TGFBR3: variants seen among roughly 807,000 people sequenced by gnomAD.
The protein encoded by TGFBR3 is transforming growth factor beta receptor 3.
In TGFBR3, 46 loss-of-function variants were observed where a neutral mutation model predicts 87.9. That is an observed-to-expected ratio of 0.52 (90% CI 0.41 to 0.67). The LOEUF is 0.67. Among genes scored for constraint, TGFBR3 ranks in the 30% least tolerant of loss-of-function variants. The pLI is 0.00. For synonymous variants in TGFBR3, 381 were observed against 391.6 expected (o/e 0.97, Z 0.32); for missense variants, 866 against 1,041.9 (o/e 0.83, Z 2.32).
intron 7 of TGFBR3, among the ~76,000 whole-genome samples, chr1:91,723,542 T>TA (rs1672446825): frequency 7.0e-6 from 1 of 143,658 alleles, no homozygotes; most frequent in Non-Finnish European, 1.5e-5. Flanking sequence ...ATTACAAAAT[T>TA]AAAATGACAG....
In TGFBR3 at chr1:91,681,410, TA is replaced by T; in HGVS notation, c.*2328del. The T allele has an allele frequency of 2.6e-6, 1 of 385,296 alleles. No individual in the cohort carries two copies. The highest frequency in any genetic ancestry group is 5.0e-6 in the Non-Finnish European group (1 of 201,094). The allele number at this position is 385,296 out of a possible 1,614,324, so 23.9% of individuals were successfully genotyped here. A position where few individuals can be genotyped will look rare whatever the true frequency, so the allele number is the denominator to read the frequency against. On this transcript the variant is annotated 3_prime_UTR_variant, in exon 17 of 17. Coordinates refer to ENST00000212355, the MANE Select transcript of TGFBR3 (RefSeq NM_003243.5). The stretch of plus-strand genomic sequence containing the variant: ...TGATTTTTTTCCTCTCTCTCTCTTT[TA>T]AAAAGATCTTTTGGTTTGCATCTAT...
At chr1:91,815,239 T>C (rs112954946) in intron 2 of TGFBR3, among the ~76,000 whole-genome samples, 33,127 of 146,726 alleles carry the variant, frequency 0.23, 3,747 homozygotes, top group East Asian at 0.42. Context: ...GAGGCGGAGG[T>C]TGCAGTGAGC....
At chr1:91,747,433 C>T (rs553476676) in intron 4 of TGFBR3, among the ~76,000 whole-genome samples, 1 of 152,312 alleles carries the variant, frequency 6.6e-6, no homozygotes, top group South Asian at 2.1e-4. Context: ...CTCTCTGTCC[C>T]CTCTTCCCCA....
chr1:91,725,269 T>C (rs1672510640), intron 7 of TGFBR3, among the ~76,000 whole-genome samples: 2 of 152,172 alleles, frequency 1.3e-5, no homozygotes, highest in South Asian at 2.1e-4. Context: ...CCATATTTAA[T>C]GGTGCTCTTC....
chr1:91,740,396 G>A (rs1425833392), intron 4 of TGFBR3, among the ~76,000 whole-genome samples: 1 of 145,628 alleles, frequency 6.9e-6, no homozygotes, highest in East Asian at 2.1e-4. Flanking sequence ...ATGGAGTCTC[G>A]CTCTGTCGCC....
At chr1:91,703,700 G>A (rs1161861338) in intron 14 of TGFBR3, among the ~76,000 whole-genome samples, 1 of 152,138 alleles carries the variant, frequency 6.6e-6, no homozygotes, top group East Asian at 1.9e-4. Context: ...GTAAAAAGCG[G>A]TCACAGAATC....
chr1:91,768,578 T>C (rs1455972677), intron 3 of TGFBR3, among the ~76,000 whole-genome samples: 1 of 152,098 alleles, frequency 6.6e-6, no homozygotes. Flanking sequence ...TTTAGCACCA[T>C]CCCCCTAGTG....
At chr1:91,705,176 A>G (rs558391365) in intron 14 of TGFBR3, among the ~76,000 whole-genome samples, 15 of 151,754 alleles carry the variant, frequency 9.9e-5, no homozygotes, top group African/African-American at 3.4e-4. Context: ...GTGACCTGTT[A>G]TTATTCAAAT....
chr1:91,754,810 C>T (rs1271035268), intron 4 of TGFBR3, among the ~76,000 whole-genome samples: 1 of 152,094 alleles, frequency 6.6e-6, no homozygotes, highest in Non-Finnish European at 1.5e-5. Flanking sequence ...CATAACAACA[C>T]AGACATGTCC....
chr1:91,698,971 TCCACATTTGCC>T (rs992737939), intron 14 of TGFBR3, among the ~76,000 whole-genome samples: 4 of 149,908 alleles, frequency 2.7e-5, no homozygotes, highest in Non-Finnish European at 5.9e-5. Flanking sequence ...TATTTCCTCC[TCCACATTTGCC>T]CCCAGAGTGA....
At chr1:91,791,019 T>A (rs1369896475) in intron 3 of TGFBR3, among the ~76,000 whole-genome samples, 1 of 152,176 alleles carries the variant, frequency 6.6e-6, no homozygotes, top group East Asian at 1.9e-4. Context: ...GATAGGTAGG[T>A]AGGTAGATAA....
At chr1:91,750,049 A>G (rs1383288579) in intron 4 of TGFBR3, among the ~76,000 whole-genome samples, 1 of 152,186 alleles carries the variant, frequency 6.6e-6, no homozygotes, top group Non-Finnish European at 1.5e-5. Context: ...TCCTCAGTGA[A>G]AGTGAGTTTA....
chr1:91,729,274 G>A (rs1201182448), intron 6 of TGFBR3, among the ~76,000 whole-genome samples: 3 of 82,630 alleles, frequency 3.6e-5, no homozygotes, highest in Non-Finnish European at 5.0e-5. Flanking sequence ...CACCACACAC[G>A]TGCATGCGCA....
At chr1:91,784,388 AT>A (rs1301716700) in intron 3 of TGFBR3, among the ~76,000 whole-genome samples, 1 of 152,170 alleles carries the variant, frequency 6.6e-6, no homozygotes, top group Non-Finnish European at 1.5e-5. Flanking sequence ...CAATAACCCA[AT>A]TTGCATAATG....
At chr1:91,734,697 G>T (rs1379626764) in intron 5 of TGFBR3, 79 bp downstream of exon 5, 17 of 1,545,428 alleles carry the variant, frequency 1.1e-5, no homozygotes, top group Non-Finnish European at 1.5e-5. Context: ...GTGATTCCTT[G>T]CCCTAACCAC....
Position 91,681,916 on chromosome 1 carries a change from G to A in TGFBR3, c.*1823C>T. 4.5e-6 allele frequency: 2 copies of A among 448,160 alleles called. No homozygotes were observed. Among genetic ancestry groups the A allele is most frequent in the Non-Finnish European group, 8.9e-6 (2 of 225,346 alleles). 27.8% of individuals were successfully genotyped at this position (448,160 alleles called of 1,614,324 possible). A position where few individuals can be genotyped will look rare whatever the true frequency, so the allele number is the denominator to read the frequency against. On this transcript the variant is annotated 3_prime_UTR_variant, in exon 17 of 17. Coordinates refer to ENST00000212355, the MANE Select transcript of TGFBR3 (RefSeq NM_003243.5). ...CCCTTCTGTTAAAAAAAAATTAAAG[G>A]AAAAAAATTCTCTAAACTCATGTCT...
At chr1:91,849,655 A>C (rs1430292079) in intron 2 of TGFBR3, among the ~76,000 whole-genome samples, 1 of 152,206 alleles carries the variant, frequency 6.6e-6, no homozygotes, top group Non-Finnish European at 1.5e-5. Context: ...ATGCTTCATA[A>C]GGACAAGGAT....
intron 10 of TGFBR3, among the ~76,000 whole-genome samples, chr1:91,717,622 TACAA>T (rs1204542466): frequency 1.3e-5 from 2 of 150,428 alleles, no homozygotes; most frequent in Non-Finnish European, 3.0e-5. Context: ...TGAAAATTAC[TACAA>T]ACAATTATAA....
chr1:91,862,693 T>A (rs1557750746), intron 1 of TGFBR3, among the ~76,000 whole-genome samples: 2 of 152,176 alleles, frequency 1.3e-5, no homozygotes, highest in African/African-American at 4.8e-5. Flanking sequence ...CTCACAGAAG[T>A]TCAATTAACA....
Sources: allele counts gnomAD v4.1 joint callset (sites outside exome capture counted in the v4.1 genomes callset), GRCh38; gene constraint gnomAD v4.1.1; transcripts MANE v1.5; gene names NCBI Gene and HGNC (gene_info 2026-07-23, HGNC 2026-07-21).